TMEM202: variants seen among roughly 807,000 people sequenced by gnomAD.
The protein encoded by TMEM202 is transmembrane protein 202.
A neutral mutation model predicts 26.1 loss-of-function variants in TMEM202; 25 were observed. The ratio of observed to expected loss-of-function variants is 0.96; its 90% CI spans 0.70 to 1.34. The LOEUF is 1.34. TMEM202 is among the 40% of genes most tolerant of loss of function. The pLI is 0.00. For missense variants in TMEM202, 301 were observed against 327.7 expected, an observed-to-expected ratio of 0.92 and a Z score of 0.63; for synonymous variants, 122 against 119.0, an observed-to-expected ratio of 1.02 and a Z score of -0.16.
chr15:72,406,071 T>C (rs1299378243), intron 2 of TMEM202, among the ~76,000 whole-genome samples: 2 of 152,170 alleles, frequency 1.3e-5, no homozygotes, highest in Non-Finnish European at 2.9e-5. Flanking sequence ...ATTAATATGA[T>C]AGAATATTTT....
At chr15:72,401,531 A>C (rs1267881537) in intron 2 of TMEM202, among the ~76,000 whole-genome samples, 1 of 152,200 alleles carries the variant, frequency 6.6e-6, no homozygotes, top group African/African-American at 2.4e-5. Flanking sequence ...TGACACAGTG[A>C]GACCCTGTCT....
Position 72,403,532 on chromosome 15 carries a change from T to A in TMEM202, c.338-3070T>A, listed in dbSNP as rs572425584. Among the ~76,000 whole-genome samples the A allele has an allele frequency of 2.0e-5, 3 of 152,266 alleles. No individual in the cohort carries two copies. In the South Asian group the frequency reaches 6.2e-4, roughly 32 times the overall value. The stretch of plus-strand genomic sequence containing the variant: ...GGGGTGTTCGTTTTATCTCAGGCAC[T>A]CCTTTTTCCGGACCAAGGCTTCTTA... On this transcript the variant is annotated intron_variant, in intron 2 of 4. Transcript: ENST00000341689.
chr15:72,401,018 G>A (rs1004885424), intron 2 of TMEM202, among the ~76,000 whole-genome samples: 16 of 152,168 alleles, frequency 1.1e-4, no homozygotes, highest in African/African-American at 3.9e-4. Context: ...GTGTCTTTTA[G>A]TATGCTAATG....
chr15:72,401,299 C>T (rs1012132469), intron 2 of TMEM202, among the ~76,000 whole-genome samples: 16 of 152,140 alleles, frequency 1.1e-4, no homozygotes, highest in African/African-American at 3.6e-4. Context: ...GATATCAGCA[C>T]TTTGGAAGGC....
Position 72,408,260 on chromosome 15 carries a change from T to C in TMEM202, c.*367T>C, listed in dbSNP as rs2063583103. ...TCTGTTTGGAATTTTCTTTATTATGTGTGGCTTTGGGTATACTCAGGATGG... is the reference window on the plus strand; with the variant it reads ...TCTGTTTGGAATTTTCTTTATTATGCGTGGCTTTGGGTATACTCAGGATGG... On this transcript the variant is annotated 3_prime_UTR_variant, in exon 5 of 5. Coordinates refer to ENST00000341689, the MANE Select transcript of TMEM202 (RefSeq NM_001080462.3). 6.6e-6 allele frequency among the ~76,000 whole-genome samples: 1 copy of C among 152,168 alleles called. No homozygotes were observed. The highest frequency in any genetic ancestry group is 1.5e-5 in the Non-Finnish European group (1 of 68,030).
At chr15:72,398,583 A>C (rs2063532508) in intron 1 of TMEM202, 70 bp from the exon 2 acceptor site, 9 of 1,578,740 alleles carry the variant, frequency 5.7e-6, no homozygotes, top group Non-Finnish European at 7.8e-6. Flanking sequence ...CTTGAGGTAG[A>C]GAAGAGCGGG....
At chr15:72,404,226 C>T (rs1388497699) in intron 2 of TMEM202, among the ~76,000 whole-genome samples, 1 of 152,008 alleles carries the variant, frequency 6.6e-6, no homozygotes, top group Non-Finnish European at 1.5e-5. Flanking sequence ...CCAGCCTGGG[C>T]AACATGGTGA....
rs1207581416 is a variant in TMEM202, at chr15:72,398,752, G to C, written c.181G>C (p.Gly61Arg). Reference sequence around the variant, plus strand: ...ACACATCTACATCCGAACGCTCTGTGGCAGCCTCTGTAGTTTTAGCCTCCT... The same window carrying C: ...ACACATCTACATCCGAACGCTCTGTCGCAGCCTCTGTAGTTTTAGCCTCCT... The part of the protein sequence containing the change: ...QAHIYIRTLC[G>R]SLCSFSLLML... Residue 61 changes from glycine to arginine, a missense_variant, in exon 2 of 5, where the codon GGC (glycine) becomes CGC (arginine). Physicochemically the swap from Gly to Arg is moderately radical, Grantham distance 125. Coordinates refer to ENST00000341689, the MANE Select transcript of TMEM202 (RefSeq NM_001080462.3). The C allele has an allele frequency of 5.6e-6, 9 of 1,614,150 alleles. No homozygotes were observed. The highest frequency in any genetic ancestry group is 1.7e-5 in the Admixed American group (1 of 60,014).
chr15:72,402,700 G>A (rs1022983103), intron 2 of TMEM202, among the ~76,000 whole-genome samples: 6 of 152,166 alleles, frequency 3.9e-5, no homozygotes, highest in Non-Finnish European at 5.9e-5. Context: ...TTTGCAGAGC[G>A]TGGGAAAGAA....
Position 72,404,248 on chromosome 15 carries a change from C to G in TMEM202, c.338-2354C>G, listed in dbSNP as rs370477091. On this transcript the variant is annotated intron_variant, in intron 2 of 4. Coordinates refer to ENST00000341689, the MANE Select transcript of TMEM202 (RefSeq NM_001080462.3). ...GGGCAACATGGTGAAACCCCACCTC[C>G]ACCAAAAATACAAAAAATTAGCCAG... 4.6e-5 allele frequency among the ~76,000 whole-genome samples: 7 copies of G among 151,932 alleles called. No individual in the cohort carries two copies. In the South Asian group the frequency reaches 1.5e-3, roughly 32 times the overall value.
Position 72,406,864 on chromosome 15 carries a change from C to G in TMEM202, c.487+113C>G, listed in dbSNP as rs112049478. On this transcript the variant is annotated intron_variant, in intron 3 of 4. Transcript: ENST00000341689. The stretch of plus-strand genomic sequence containing the variant: ...TTATCTCTTTGCTCTTCTTCAGTAT[C>G]ACACCAACTTGCCAGCTATCTGCCT... The G allele has an allele frequency of 4.5e-4, 588 of 1,295,484 alleles. 1 individual carries two copies. The African/African-American group carries it at 8.1e-3, about 18-fold the overall frequency. 80.2% of individuals were successfully genotyped at this position (1,295,484 alleles called of 1,614,324 possible).
intron 2 of TMEM202, among the ~76,000 whole-genome samples, chr15:72,404,660 C>T (rs968881468): frequency 1.3e-5 from 2 of 152,096 alleles, no homozygotes; most frequent in East Asian, 1.9e-4. Flanking sequence ...GGTGATACCC[C>T]GGTCAAACTT....
Position 72,408,029 on chromosome 15 carries a change from CTT to C in TMEM202, c.*139_*140del. 1.5e-6 allele frequency: 1 copy of C among 669,044 alleles called. No individual in the cohort carries two copies. The highest frequency in any genetic ancestry group is 2.0e-5 in the South Asian group (1 of 50,652). 41.4% of individuals were successfully genotyped at this position (669,044 alleles called of 1,614,324 possible). A position where few individuals can be genotyped will look rare whatever the true frequency, so the allele number is the denominator to read the frequency against. Reference sequence around the variant, plus strand: ...GACAGCATTAAAGCTGATGAAATGTCTTTTGCGTGCATTGGATCCAAAATATA... The same window carrying C: ...GACAGCATTAAAGCTGATGAAATGTCTTGCGTGCATTGGATCCAAAATATA... On this transcript the variant is annotated 3_prime_UTR_variant, in exon 5 of 5. Transcript: ENST00000341689.
rs2063534438 is a variant in TMEM202 at position 72,398,813 on chromosome 15, A to T, written c.242A>T (p.Gln81Leu). ...LIAMSPLNWVQFLVIKNGLEL... is the reference protein window; with the variant it reads ...LIAMSPLNWVLFLVIKNGLEL... ...GCCATGTCCCCACTGAACTGGGTACAGTTTCTGGTGATCAAGAATGGCCTT... is the reference window on the plus strand; with the variant it reads ...GCCATGTCCCCACTGAACTGGGTACTGTTTCTGGTGATCAAGAATGGCCTT... The change falls in exon 2 of 5, where the codon CAG becomes CTG. Residue 81 changes from glutamine to leucine, a missense_variant. By Grantham distance (113) the Gln-to-Leu change is moderately radical (BLOSUM62 -2). Transcript: ENST00000341689. The T allele has an allele frequency of 6.2e-7, 1 of 1,614,184 alleles. No individual in the cohort carries two copies. Among genetic ancestry groups the T allele is most frequent in the Non-Finnish European group, 8.5e-7 (1 of 1,180,032 alleles).
chr15:72,401,851 A>G (rs1280732979), intron 2 of TMEM202, among the ~76,000 whole-genome samples: 2 of 152,250 alleles, frequency 1.3e-5, no homozygotes, highest in African/African-American at 4.8e-5. Context: ...GTCAGTAATT[A>G]ATCTGCAATA....
At chr15:72,401,945 G>T (rs888609094) in intron 2 of TMEM202, among the ~76,000 whole-genome samples, 1 of 152,002 alleles carries the variant, frequency 6.6e-6, no homozygotes, top group Admixed American at 6.6e-5. Flanking sequence ...ATTATTGCCC[G>T]AATACATTAT....
chr15:72,400,478 C>T (rs959524421), intron 2 of TMEM202, among the ~76,000 whole-genome samples: 1 of 152,112 alleles, frequency 6.6e-6, no homozygotes, highest in African/African-American at 2.4e-5. Context: ...GTAAATAATT[C>T]CATTTCTAGA....
At chr15:72,401,989 C>A (rs574001316) in intron 2 of TMEM202, among the ~76,000 whole-genome samples, 4 of 151,912 alleles carry the variant, frequency 2.6e-5, no homozygotes, top group Non-Finnish European at 5.9e-5. Flanking sequence ...TTTTTGAGAT[C>A]GAATCTCATT....
rs961056249 is a variant in TMEM202, at chr15:72,407,349, G to A, written c.619+132G>A. ...ACACTGATACTTGGAGAGTCAGGGGGGCATAATGAAGAAAGGGTGGATTTT... is the reference window on the plus strand; with the variant it reads ...ACACTGATACTTGGAGAGTCAGGGGAGCATAATGAAGAAAGGGTGGATTTT... On this transcript the variant is annotated intron_variant, in intron 4 of 4. Coordinates refer to ENST00000341689, the MANE Select transcript of TMEM202 (RefSeq NM_001080462.3). 13 of 1,118,008 alleles carry A rather than the reference G, an allele frequency of 1.2e-5. No homozygotes were observed. The African/African-American group carries it at 2.0e-4, about 18-fold the overall frequency. The allele number at this position is 1,118,008 out of a possible 1,614,324, so 69.3% of individuals were successfully genotyped here.
Sources: gnomAD v4.1 joint callset for allele counts (sites outside exome capture counted in the v4.1 genomes callset) on GRCh38, gnomAD v4.1.1 for gene constraint, MANE v1.5 for transcripts, NCBI Gene and HGNC (gene_info 2026-07-23, HGNC 2026-07-21) for gene names.